Variants in TULP4 observed in about 807,000 individuals in gnomAD.
TULP4 encodes TUB like protein 4.
Under a neutral mutation model 129.0 loss-of-function variants are expected in TULP4, and 16 were observed. That is an observed-to-expected ratio of 0.12 (90% CI 0.08 to 0.19). The LOEUF is 0.19. Ranked by LOEUF, TULP4 falls within the 10% of genes least tolerant of loss-of-function variation. The pLI is 1.00. For synonymous variants in TULP4, 998 were observed against 854.0 expected (o/e 1.17, Z -2.94); for missense variants, 1,842 against 2,059.1 (o/e 0.89, Z 2.04).
At chr6:158,290,869 G>GA (rs1469252108) in intron 1 of TULP4, among the ~76,000 whole-genome samples, 1 of 152,112 alleles carries the variant, frequency 6.6e-6, no homozygotes, top group Non-Finnish European at 1.5e-5. Flanking sequence ...ACTAGAAACT[G>GA]AAACCGGCAG....
chr6:158,456,515 C>G (rs1423722264), intron 5 of TULP4, among the ~76,000 whole-genome samples: 1 of 152,196 alleles, frequency 6.6e-6, no homozygotes, highest in African/African-American at 2.4e-5. Context: ...CACCTCTGTT[C>G]TAAGGCCTTC....
intron 1 of TULP4, among the ~76,000 whole-genome samples, chr6:158,304,870 TTGTCC>T (rs1779188887): frequency 6.6e-6 from 1 of 152,030 alleles, no homozygotes; most frequent in East Asian, 1.9e-4. Context: ...TCTTGCTATA[TTGTCC>T]ATGCTGGTCT....
Position 158,506,568 on chromosome 6 carries a change from C to G in TULP4, c.4516-10C>G. ...TCTTTAATGTCTTTGCTTCCCCTGC[C>G]CTCCTCCAGGTGATGCAGTTTGGAC... On this transcript the variant is annotated splice_polypyrimidine_tract_variant and intron_variant, in intron 13 of 13. Transcript: ENST00000367097. The G allele has an allele frequency of 6.4e-7, 1 of 1,559,188 alleles. No individual in the cohort carries two copies.
At chr6:158,447,281 T>G (rs1254898386) in intron 3 of TULP4, among the ~76,000 whole-genome samples, 3 of 152,162 alleles carry the variant, frequency 2.0e-5, no homozygotes, top group South Asian at 2.1e-4. Flanking sequence ...TGCTATCAGA[T>G]AGTAATTTTT....
At chr6:158,343,953 C>G (rs1344368807) in intron 1 of TULP4, among the ~76,000 whole-genome samples, 2 of 152,180 alleles carry the variant, frequency 1.3e-5, no homozygotes, top group African/African-American at 4.8e-5. Flanking sequence ...TCCAGATGGC[C>G]TGAAGCAACT....
intron 12 of TULP4, among the ~76,000 whole-genome samples, 185 bp downstream of exon 12, chr6:158,498,997 G>A (rs980485851): frequency 6.6e-6 from 1 of 152,224 alleles, no homozygotes; most frequent in Non-Finnish European, 1.5e-5. Flanking sequence ...GTTGGCACCA[G>A]TGTTGGCAGG....
At chr6:158,345,874 C>T (rs1369085003) in intron 1 of TULP4, among the ~76,000 whole-genome samples, 4 of 152,080 alleles carry the variant, frequency 2.6e-5, no homozygotes, top group African/African-American at 9.7e-5. Context: ...TATTTCAGTC[C>T]TTATGTCAAC....
intron 1 of TULP4, among the ~76,000 whole-genome samples, chr6:158,235,999 G>T (rs1201882141): frequency 6.6e-6 from 1 of 152,180 alleles, no homozygotes; most frequent in East Asian, 1.9e-4. Context: ...CTTCTATATG[G>T]ATGATGACAT....
At chr6:158,305,564 GCCTGGTGGTACGC>G (rs1779205264) in intron 1 of TULP4, among the ~76,000 whole-genome samples, 1 of 151,716 alleles carries the variant, frequency 6.6e-6, no homozygotes, top group Non-Finnish European at 1.5e-5. Context: ...AAATTAGCTA[GCCTGGTGGTACGC>G]ACCTGTAGTC....
At chr6:158,432,681 T>C (rs1471338840) in intron 3 of TULP4, among the ~76,000 whole-genome samples, 1 of 152,202 alleles carries the variant, frequency 6.6e-6, no homozygotes, top group African/African-American at 2.4e-5. Context: ...GCCAACATGG[T>C]GAAACCCCGT....
chr6:158,248,559 G>A (rs949311925), intron 1 of TULP4, among the ~76,000 whole-genome samples: 1 of 152,000 alleles, frequency 6.6e-6, no homozygotes, highest in African/African-American at 2.4e-5. Context: ...ATGAGCCACC[G>A]TGCCCGGCGT....
At position 158,452,145 on chromosome 6, in the gene TULP4, G is replaced by T. The variant is rs1417609499; in HGVS notation, c.736G>T (p.Ala246Ser). The T allele has an allele frequency of 1.2e-6, 2 of 1,614,018 alleles. No homozygotes were observed. The highest frequency in any genetic ancestry group is 1.7e-6 in the Non-Finnish European group (2 of 1,180,000). The change falls in exon 5 of 14, where the codon GCA becomes TCA. Residue 246 changes from alanine (A) to serine (S), a missense_variant. Ala to Ser is a moderately conservative substitution (Grantham distance 99). Coordinates refer to ENST00000367097, the MANE Select transcript of TULP4 (RefSeq NM_020245.5). ...TTGTGTTCCTGCAGATGGTCCGGCA[G>T]CATATCCCATCCCAGTGCAGAACAT... Reference protein sequence around the residue: ...DYAPPQDGPAAYPIPVQNIKP... With the variant: ...DYAPPQDGPASYPIPVQNIKP...
At chr6:158,353,646 C>T (rs1447995604) in intron 1 of TULP4, among the ~76,000 whole-genome samples, 1 of 152,162 alleles carries the variant, frequency 6.6e-6, no homozygotes, top group African/African-American at 2.4e-5. Flanking sequence ...GTTCAGGTGT[C>T]ACTTTATTGA....
rs112725274 is a variant in TULP4 at position 158,489,539 on chromosome 6, G to A, written c.1487-49G>A. 174 of 1,609,684 alleles carry A rather than the reference G, an allele frequency of 1.1e-4. 1 individual carries two copies. In the African/African-American group the frequency reaches 1.8e-3, roughly 17 times the overall value. ...TTTATAGTAATGATCATTGGTAGGG[G>A]CTAATTGATATAACTTCCCTTGAAA... On this transcript the variant is annotated intron_variant, in intron 8 of 13. Transcript: ENST00000367097.
intron 5 of TULP4, among the ~76,000 whole-genome samples, chr6:158,457,873 T>G (rs554266395): frequency 1.3e-3 from 197 of 152,268 alleles, no homozygotes; most frequent in African/African-American, 4.5e-3. Flanking sequence ...TCGTCCTCAT[T>G]GAGTACGTGC....
upstream of TULP4, among the ~76,000 whole-genome samples, chr6:158,277,529 T>C (rs544991277): frequency 7.9e-5 from 12 of 152,308 alleles, no homozygotes; most frequent in African/African-American, 2.2e-4. Flanking sequence ...CGTGGGTTAA[T>C]TGGGGAGATT....
chr6:158,352,272 T>C (rs1362262343), intron 1 of TULP4, among the ~76,000 whole-genome samples: 1 of 152,202 alleles, frequency 6.6e-6, no homozygotes, highest in Non-Finnish European at 1.5e-5. Context: ...AATTTCTAGA[T>C]CTTATGAAGT....
chr6:158,370,484 G>T (rs1304819607), intron 1 of TULP4, among the ~76,000 whole-genome samples: 84 of 80,260 alleles, frequency 1.0e-3, no homozygotes, highest in African/African-American at 4.1e-3. Context: ...AAAAAAAAAA[G>T]ATTGTGGCAC....
intron 5 of TULP4, among the ~76,000 whole-genome samples, chr6:158,456,343 C>T (rs1161061480): frequency 6.6e-6 from 1 of 152,226 alleles, no homozygotes; most frequent in Non-Finnish European, 1.5e-5. Flanking sequence ...CAGCCCAGGA[C>T]AGCTTTGAAT....
Sources: allele counts gnomAD v4.1 joint callset (sites outside exome capture counted in the v4.1 genomes callset), GRCh38; gene constraint gnomAD v4.1.1; transcripts MANE v1.5; gene names NCBI Gene and HGNC (gene_info 2026-07-23, HGNC 2026-07-21).